SUSD1: variants seen among roughly 807,000 people sequenced by gnomAD.
SUSD1 encodes the protein sushi domain-containing protein 1.
Under a neutral mutation model 86.9 loss-of-function variants are expected in SUSD1, and 65 were observed. The ratio of observed to expected loss-of-function variants is 0.75; its 90% confidence interval spans 0.61 to 0.92. The LOEUF (loss-of-function observed/expected upper bound fraction) is 0.92, where lower values mean the gene tolerates loss of function less well. SUSD1 is among the 40% of genes least tolerant of loss of function. SUSD1 has a pLI of 0.00. For missense variants in SUSD1, 850 were observed against 929.7 expected, an observed-to-expected ratio of 0.91 and a Z score of 1.11; for synonymous variants, 346 against 350.0, an observed-to-expected ratio of 0.99 and a Z score of 0.13.
chr9:112,094,818 T>G (rs944704270), intron 10 of SUSD1, among the ~76,000 whole-genome samples: 1 of 152,242 alleles, frequency 6.6e-6, no homozygotes, highest in Non-Finnish European at 1.5e-5. Flanking sequence ...TAACTGGAAC[T>G]GTGATACTCT....
intron 5 of SUSD1, among the ~76,000 whole-genome samples, chr9:112,129,537 T>C (rs527661553): frequency 6.6e-6 from 1 of 152,304 alleles, no homozygotes; most frequent in South Asian, 2.1e-4. Flanking sequence ...GGCCTCAAAC[T>C]CCTGGGCTCA....
chr9:112,120,398 T>C (rs1168893215), intron 6 of SUSD1, among the ~76,000 whole-genome samples: 1 of 151,704 alleles, frequency 6.6e-6, no homozygotes, highest in Non-Finnish European at 1.5e-5. Flanking sequence ...AGAAGAGGGG[T>C]AGCTGAGCAA....
At chr9:112,082,227 G>A (rs1206503022) in intron 10 of SUSD1, among the ~76,000 whole-genome samples, 1 of 152,098 alleles carries the variant, frequency 6.6e-6, no homozygotes, top group Non-Finnish European at 1.5e-5. Flanking sequence ...ATAACAGAAA[G>A]GCAACATACA....
chr9:112,049,928 A>C (rs543469619), intron 15 of SUSD1, among the ~76,000 whole-genome samples: 2 of 152,308 alleles, frequency 1.3e-5, no homozygotes, highest in Admixed American at 1.3e-4. Context: ...TTTTCAAAGC[A>C]AAATCCTCCC....
chr9:112,058,414 G>C lies in SUSD1; in HGVS notation c.2109+14C>G, dbSNP rs1828547386. 6.2e-7 allele frequency: 1 copy of C among 1,609,558 alleles called. No homozygotes were observed. The highest frequency in any genetic ancestry group is 1.3e-5 in the African/African-American group (1 of 74,928). On this transcript the variant is annotated intron_variant, in intron 14 of 16. Transcript: ENST00000374270. ...GAAAATACAGAGTTCACAAGAGCTTGGAAAGAAAGATACCTTATTCCATTC... is the reference window on the plus strand; with the variant it reads ...GAAAATACAGAGTTCACAAGAGCTTCGAAAGAAAGATACCTTATTCCATTC...
intron 1 of SUSD1, among the ~76,000 whole-genome samples, chr9:112,166,469 C>T (rs901941983): frequency 5.9e-5 from 9 of 152,128 alleles, no homozygotes; most frequent in Admixed American, 4.6e-4. Flanking sequence ...TAAACTGCTC[C>T]CAGGTGGACC....
rs755120003 is a variant in SUSD1 at position 112,058,632 on chromosome 9, A to C, written c.1905T>G (p.Asp635Glu). The C allele has an allele frequency of 2.5e-6, 4 of 1,614,074 alleles. No individual in the cohort carries two copies. The highest frequency in any genetic ancestry group is 3.3e-5 in the Admixed American group (2 of 60,008). Residue 635 changes from aspartate to glutamate, a missense_variant, in exon 14 of 17, where the codon GAT becomes GAG. By Grantham distance (45) the Asp-to-Glu change is conservative. Coordinates refer to ENST00000374270, the MANE Select transcript of SUSD1 (RefSeq NM_022486.5). ...PLALQSTFSCDSEGASSFFSN... is the reference protein window; with the variant it reads ...PLALQSTFSCESEGASSFFSN... Reference sequence around the variant, plus strand: ...TAAAGAAGGAGGAAGCGCCTTCAGAATCACAAGAAAATGTGCTTTGGAGGG... The same window carrying C: ...TAAAGAAGGAGGAAGCGCCTTCAGACTCACAAGAAAATGTGCTTTGGAGGG...
chr9:112,061,788 T>C (rs979083347), intron 13 of SUSD1, among the ~76,000 whole-genome samples: 3 of 152,192 alleles, frequency 2.0e-5, no homozygotes, highest in Admixed American at 6.5e-5. Flanking sequence ...CAGACTTTCT[T>C]TTTTGTAATT....
At chr9:112,125,397 A>G (rs1273926987) in intron 5 of SUSD1, among the ~76,000 whole-genome samples, 1 of 152,214 alleles carries the variant, frequency 6.6e-6, no homozygotes, top group African/African-American at 2.4e-5. Flanking sequence ...GTTGAAGGGA[A>G]GAAGTAAAGC....
chr9:112,100,043 AC>A (rs1398851319), intron 9 of SUSD1, among the ~76,000 whole-genome samples: 15 of 152,208 alleles, frequency 9.9e-5, no homozygotes, highest in Non-Finnish European at 1.9e-4. Context: ...ATTCTTCTGG[AC>A]CACTTACTAG....
intron 2 of SUSD1, among the ~76,000 whole-genome samples, chr9:112,150,315 C>T (rs757021590): frequency 9.9e-5 from 14 of 142,082 alleles, no homozygotes; most frequent in Non-Finnish European, 2.2e-4. Context: ...ATTGTTTATG[C>T]ATCCTTTTAG....
rs371354520 is a variant in SUSD1 at position 112,041,937 on chromosome 9, T to A, written c.2173A>T (p.Met725Leu). The A allele has an allele frequency of 2.5e-6, 4 of 1,614,038 alleles. No individual in the cohort carries two copies. Among genetic ancestry groups the A allele is most frequent in the Non-Finnish European group, 3.4e-6 (4 of 1,179,956 alleles). ...AGGGAACCCAGTCCAACACCCGCCA[T>A]CTGCAGCAGCATGAGTGACGAATCT... ...VKDSSLMLLQMAGVGLGSLAV... is the reference protein window; with the variant it reads ...VKDSSLMLLQLAGVGLGSLAV... Residue 725 changes from methionine (M) to leucine (L), a missense_variant, in exon 16 of 17, where the codon ATG becomes TTG. Transcript: ENST00000374270.
chr9:112,079,462 C>A (rs982071688), intron 11 of SUSD1, among the ~76,000 whole-genome samples: 1 of 152,142 alleles, frequency 6.6e-6, no homozygotes, highest in Admixed American at 6.5e-5. Context: ...TCTGCTAGAA[C>A]CTGAGAACAG....
chr9:112,098,769 C>A (rs183630015), intron 9 of SUSD1, 107 bp from the exon 10 acceptor site: 343 of 1,026,970 alleles, frequency 3.3e-4, no homozygotes, highest in Non-Finnish European at 3.3e-4. Flanking sequence ...TTTTATTTAT[C>A]CTTGCCCACT....
At chr9:112,103,379 T>A (rs1296879451) in intron 8 of SUSD1, among the ~76,000 whole-genome samples, 2 of 152,224 alleles carry the variant, frequency 1.3e-5, no homozygotes, top group Non-Finnish European at 2.9e-5. Flanking sequence ...AAAGATTTCA[T>A]AAGGACATCA....
At chr9:112,167,758 A>G (rs1833883717) in intron 1 of SUSD1, among the ~76,000 whole-genome samples, 1 of 152,224 alleles carries the variant, frequency 6.6e-6, no homozygotes, top group South Asian at 2.1e-4. Flanking sequence ...AAATGAGTGT[A>G]TATTAGTCTT....
intron 8 of SUSD1, among the ~76,000 whole-genome samples, chr9:112,106,257 G>A (rs1375190117): frequency 6.6e-6 from 1 of 151,874 alleles, no homozygotes; most frequent in African/African-American, 2.4e-5. Flanking sequence ...ACAGGCATGA[G>A]CCACCACACC....
At chr9:112,079,933 T>C in intron 11 of SUSD1, 141 bp downstream of exon 11, 1 of 585,412 alleles carries the variant, frequency 1.7e-6, no homozygotes. Flanking sequence ...GTGGCCATCT[T>C]CTTGCTTCTT....
intron 12 of SUSD1, among the ~76,000 whole-genome samples, chr9:112,077,976 C>T (rs1350141889): frequency 6.6e-6 from 1 of 152,164 alleles, no homozygotes; most frequent in South Asian, 2.1e-4. Context: ...TCAATGCTGA[C>T]ATTTTGTTTC....
Sources: allele counts gnomAD v4.1 joint callset (sites outside exome capture counted in the v4.1 genomes callset), GRCh38; gene constraint gnomAD v4.1.1; transcripts MANE v1.5; gene names NCBI Gene and HGNC (gene_info 2026-07-23, HGNC 2026-07-21).